SLC24A3: variants seen among roughly 807,000 people sequenced by gnomAD.
The protein encoded by SLC24A3 is sodium/potassium/calcium exchanger 3.
SLC24A3 carries 28 observed loss-of-function variants against 75.8 expected under a neutral mutation model. The ratio of observed to expected loss-of-function variants is 0.37; its 90% CI spans 0.27 to 0.51. The LOEUF (loss-of-function observed/expected upper bound fraction) is 0.51. Among genes scored for constraint, SLC24A3 ranks in the 20% least tolerant of loss-of-function variants. SLC24A3 has a pLI of 0.94. For missense variants in SLC24A3, 663 were observed against 847.8 expected, an observed-to-expected ratio of 0.78 and a Z score of 2.71; for synonymous variants, 372 against 334.1, an observed-to-expected ratio of 1.11 and a Z score of -1.24.
intron 2 of SLC24A3, among the ~76,000 whole-genome samples, chr20:19,297,565 A>G (rs1358990901): frequency 1.3e-5 from 2 of 152,236 alleles, no homozygotes; most frequent in Non-Finnish European, 2.9e-5. Flanking sequence ...TTTGAGATTC[A>G]TCCATGTATT....
chr20:19,247,988 A>T (rs1212280637), intron 1 of SLC24A3, among the ~76,000 whole-genome samples: 1 of 152,204 alleles, frequency 6.6e-6, no homozygotes, highest in Non-Finnish European at 1.5e-5. Flanking sequence ...GATGATTGAG[A>T]GTATTCCATG....
At position 19,721,474 on chromosome 20, in the gene SLC24A3, C is replaced by T. The variant is rs550887136; in HGVS notation, c.*334C>T. 4.2e-5 allele frequency: 10 copies of T among 235,544 alleles called. No individual in the cohort carries two copies. The highest frequency in any genetic ancestry group is 1.8e-4 in the African/African-American group (8 of 44,372). The allele number at this position is 235,544 out of a possible 1,614,324, so 14.6% of individuals were successfully genotyped here. A position where few individuals can be genotyped will look rare whatever the true frequency, so the allele number is the denominator to read the frequency against. ...GAGCCAGGCAACACTGATTCCAATC[C>T]CTCCTCCTTTTTTAAGTTATTTGAT... On this transcript the variant is annotated 3_prime_UTR_variant, in exon 17 of 17. Coordinates refer to ENST00000328041, the MANE Select transcript of SLC24A3 (RefSeq NM_020689.4).
intron 2 of SLC24A3, among the ~76,000 whole-genome samples, chr20:19,510,192 G>C (rs1292498328): frequency 6.6e-6 from 1 of 152,178 alleles, no homozygotes; most frequent in African/African-American, 2.4e-5. Context: ...GGCAACAAAT[G>C]CCCTTTGCAA....
chr20:19,336,190 C>T (rs1985128953), intron 2 of SLC24A3, among the ~76,000 whole-genome samples: 3 of 152,106 alleles, frequency 2.0e-5, no homozygotes, highest in African/African-American at 7.2e-5. Context: ...TCCTTTAGGC[C>T]AGGGCTCGGG....
intron 3 of SLC24A3, among the ~76,000 whole-genome samples, chr20:19,565,441 ATAG>A (rs934417697): frequency 7.9e-5 from 12 of 152,040 alleles, no homozygotes; most frequent in African/African-American, 2.9e-4. Context: ...ATTGATTGGT[ATAG>A]TAGTAGGAAA....
rs143692651 is a variant in SLC24A3 at position 19,359,176 on chromosome 20, A to G, written c.271+78089A>G. Among the ~76,000 whole-genome samples the G allele has an allele frequency of 3.6e-3, 551 of 152,162 alleles. 13 individuals are homozygous for G. Among genetic ancestry groups the G allele is most frequent in the Admixed American group, 0.034 (519 of 15,290 alleles). On this transcript the variant is annotated intron_variant, in intron 2 of 16. Transcript: ENST00000328041. ...GGGCAATGTAGTAATTTTATGATTG[A>G]TTTGTTGAGGGACTGCCAAACTGTT... is the stretch of plus-strand genomic sequence containing the variant.
At chr20:19,714,302 G>A (rs1051447185) in intron 15 of SLC24A3, among the ~76,000 whole-genome samples, 31 of 151,454 alleles carry the variant, frequency 2.0e-4, no homozygotes, top group Admixed American at 8.6e-4. Context: ...CTACTTGGGA[G>A]GCTAAGGCAG....
At chr20:19,381,298 G>A (rs73902348) in intron 2 of SLC24A3, among the ~76,000 whole-genome samples, 5,721 of 152,158 alleles carry the variant, frequency 0.038, 367 homozygotes, top group African/African-American at 0.13. Context: ...GGTTGGGAGA[G>A]GAGAATAAAC....
At chr20:19,369,289 C>G (rs1253554752) in intron 2 of SLC24A3, among the ~76,000 whole-genome samples, 1 of 152,182 alleles carries the variant, frequency 6.6e-6, no homozygotes, top group African/African-American at 2.4e-5. Flanking sequence ...AGTGTCCTGT[C>G]AAAAATGCAG....
At chr20:19,536,000 C>T (rs2030389414) in intron 3 of SLC24A3, among the ~76,000 whole-genome samples, 1 of 152,110 alleles carries the variant, frequency 6.6e-6, no homozygotes, top group Non-Finnish European at 1.5e-5. Context: ...GGAGCCCACC[C>T]TCACAATAAT....
intron 2 of SLC24A3, among the ~76,000 whole-genome samples, chr20:19,453,127 C>A (rs971418353): frequency 1.1e-4 from 17 of 152,050 alleles, no homozygotes; most frequent in Non-Finnish European, 2.1e-4. Flanking sequence ...TTGCAGTGAC[C>A]CGAGATCGCA....
intron 1 of SLC24A3, among the ~76,000 whole-genome samples, chr20:19,228,395 T>A (rs990250678): frequency 6.6e-6 from 1 of 152,106 alleles, no homozygotes; most frequent in Non-Finnish European, 1.5e-5. Context: ...ATCCCAGCAC[T>A]TTCGGAGGCT....
At chr20:19,639,826 C>T (rs2032051567) in intron 6 of SLC24A3, among the ~76,000 whole-genome samples, 1 of 152,240 alleles carries the variant, frequency 6.6e-6, no homozygotes. Context: ...CGCCGGTGGG[C>T]TGGCACTGCT....
At chr20:19,466,530 T>G (rs1987768150) in intron 2 of SLC24A3, among the ~76,000 whole-genome samples, 1 of 152,194 alleles carries the variant, frequency 6.6e-6, no homozygotes, top group Non-Finnish European at 1.5e-5. Context: ...TGCCCCATAC[T>G]TCCCTGAAAA....
chr20:19,513,549 C>T (rs1200475566), intron 2 of SLC24A3, among the ~76,000 whole-genome samples: 1 of 152,156 alleles, frequency 6.6e-6, no homozygotes, highest in Non-Finnish European at 1.5e-5. Context: ...CTCCTCCAGG[C>T]TTCTCCCAGT....
At chr20:19,230,262 G>A (rs187096932) in intron 1 of SLC24A3, among the ~76,000 whole-genome samples, 2 of 152,248 alleles carry the variant, frequency 1.3e-5, no homozygotes, top group East Asian at 3.9e-4. Flanking sequence ...TTATGCTGAA[G>A]GGGTGGTTGT....
intron 2 of SLC24A3, among the ~76,000 whole-genome samples, chr20:19,475,898 A>G (rs1008018508): frequency 3.9e-5 from 6 of 152,232 alleles, no homozygotes; most frequent in Non-Finnish European, 8.8e-5. Context: ...AAACTACAGC[A>G]TCAAACCAAA....
chr20:19,562,558 G>A (rs1042600125), intron 3 of SLC24A3, among the ~76,000 whole-genome samples: 12 of 152,156 alleles, frequency 7.9e-5, no homozygotes, highest in Admixed American at 2.0e-4. Context: ...GTAATCATAT[G>A]GTAATTATTT....
intron 6 of SLC24A3, among the ~76,000 whole-genome samples, chr20:19,601,804 T>G (rs990462978): frequency 1.2e-4 from 19 of 152,202 alleles, no homozygotes; most frequent in African/African-American, 4.1e-4. Flanking sequence ...AAGAGGGGTG[T>G]AAGTTAATGT....
Sources: gnomAD v4.1 joint callset for allele counts (sites outside exome capture counted in the v4.1 genomes callset) on GRCh38, gnomAD v4.1.1 for gene constraint, MANE v1.5 for transcripts, NCBI Gene and HGNC (gene_info 2026-07-23, HGNC 2026-07-21) for gene names.